Variants in ADAMTS12 observed in about 807,000 individuals in gnomAD.
The protein encoded by ADAMTS12 is ADAM metallopeptidase with thrombospondin type 1 motif 12.
A neutral mutation model predicts 167.8 loss-of-function variants in ADAMTS12; 118 were observed. That is an observed-to-expected ratio of 0.70 (90% CI 0.61 to 0.82). The LOEUF (loss-of-function observed/expected upper bound fraction) is 0.82. ADAMTS12 is among the 40% of genes least tolerant of loss of function. The pLI, the probability that ADAMTS12 is intolerant of heterozygous loss-of-function variation, is 0.00. For synonymous variants in ADAMTS12, 704 were observed against 716.9 expected, an observed-to-expected ratio of 0.98 and a Z score of 0.29; for missense variants, 1,916 against 1,998.8, an observed-to-expected ratio of 0.96 and a Z score of 0.79.
Position 33,637,600 on chromosome 5 carries a change from T to C in ADAMTS12, c.1865A>G (p.His622Arg). Residue 622 changes from histidine to arginine, a missense_variant, in exon 12 of 24, where the codon CAC becomes CGC. Coordinates refer to ENST00000504830, the MANE Select transcript of ADAMTS12 (RefSeq NM_030955.4). ...DTVPYKNELY[H>R]WFPIFNPAHP... ...ACCTGGGTTAAAAATGGGAAACCAG[T>C]GGTAGAGTTCATTCTTGTAGGGAAC... 1.2e-6 allele frequency: 2 copies of C among 1,613,396 alleles called. No homozygotes were observed.
intron 17 of ADAMTS12, among the ~76,000 whole-genome samples, chr5:33,591,890 A>C (rs1747659319): frequency 6.6e-6 from 1 of 152,100 alleles, no homozygotes; most frequent in African/African-American, 2.4e-5. Context: ...TAAACCTCCT[A>C]CATTGGCACT....
chr5:33,824,155 A>C (rs983574379), intron 2 of ADAMTS12, among the ~76,000 whole-genome samples: 3 of 152,220 alleles, frequency 2.0e-5, no homozygotes, highest in Non-Finnish European at 4.4e-5. Flanking sequence ...AAGCACTAAG[A>C]TATCCTAAGA....
At chr5:33,624,671 A>G (rs1739497124) in intron 13 of ADAMTS12, among the ~76,000 whole-genome samples, 1 of 152,218 alleles carries the variant, frequency 6.6e-6, no homozygotes, top group Admixed American at 6.5e-5. Flanking sequence ...TGAAGCTGGT[A>G]GAGCAGCAAG....
intron 13 of ADAMTS12, among the ~76,000 whole-genome samples, chr5:33,627,024 G>A (rs1465698394): frequency 7.4e-5 from 11 of 149,492 alleles, no homozygotes; most frequent in South Asian, 2.2e-4. Context: ...TAGGGTAGTG[G>A]TGATTTGATG....
At chr5:33,723,827 G>A (rs1743885860) in intron 3 of ADAMTS12, among the ~76,000 whole-genome samples, 2 of 152,202 alleles carry the variant, frequency 1.3e-5, no homozygotes, top group Non-Finnish European at 1.5e-5. Flanking sequence ...GCAGTTCACA[G>A]CTGGTGCCCT....
At position 33,865,736 on chromosome 5, in the gene ADAMTS12, C is replaced by T. The variant is rs116522563; in HGVS notation, c.489+15383G>A. On this transcript the variant is annotated intron_variant, in intron 2 of 23. Coordinates refer to ENST00000504830, the MANE Select transcript of ADAMTS12 (RefSeq NM_030955.4). The stretch of plus-strand genomic sequence containing the variant: ...CCCTAAAGACTCCTTCAAAAGACTC[C>T]TAGATTTGATAAACAAATTCAGTAA... Among the ~76,000 whole-genome samples, 943 of 152,200 alleles carry T rather than the reference C, an allele frequency of 6.2e-3. 3 individuals are homozygous for T. Among genetic ancestry groups the T allele is most frequent in the Non-Finnish European group, 0.01 (682 of 67,986 alleles).
At chr5:33,600,490 T>G (rs1738134892) in intron 16 of ADAMTS12, among the ~76,000 whole-genome samples, 2 of 152,200 alleles carry the variant, frequency 1.3e-5, no homozygotes, top group Non-Finnish European at 2.9e-5. Context: ...AAAATTCAGT[T>G]TAGACAACTG....
intron 3 of ADAMTS12, among the ~76,000 whole-genome samples, chr5:33,709,814 T>C (rs542245325): frequency 5.9e-5 from 9 of 152,282 alleles, no homozygotes; most frequent in African/African-American, 1.9e-4. Context: ...GGCACACTTT[T>C]ACCTATGTAA....
At chr5:33,889,192 T>C (rs1337880810) in intron 1 of ADAMTS12, among the ~76,000 whole-genome samples, 2 of 152,076 alleles carry the variant, frequency 1.3e-5, no homozygotes, top group African/African-American at 4.8e-5. Context: ...CTCATTCCTG[T>C]AATCGCAGCA....
rs185403877 is a variant in ADAMTS12 at position 33,779,154 on chromosome 5, G to C, written c.490-27606C>G. On this transcript the variant is annotated intron_variant, in intron 2 of 23. Transcript: ENST00000504830. ...CATATGATCCATCAATCTCACTTCT[G>C]GGTATATATCCAAAGGAACTGAAAT... 9.6e-4 allele frequency among the ~76,000 whole-genome samples: 146 copies of C among 151,536 alleles called. 1 individual carries two copies. In the Middle Eastern group the frequency reaches 0.01, roughly 11 times the overall value.
At chr5:33,595,171 C>CT (rs1292012330) in intron 17 of ADAMTS12, among the ~76,000 whole-genome samples, 1 of 150,746 alleles carries the variant, frequency 6.6e-6, no homozygotes. Context: ...TTTTCTCTCT[C>CT]TTTTTTTTAA....
intron 2 of ADAMTS12, among the ~76,000 whole-genome samples, chr5:33,772,552 G>A (rs1223327211): frequency 6.6e-6 from 1 of 152,232 alleles, no homozygotes; most frequent in Admixed American, 6.5e-5. Context: ...ATTAAGAAAA[G>A]AGAAGACAGT....
At chr5:33,590,127 G>A (rs992414618) in intron 17 of ADAMTS12, among the ~76,000 whole-genome samples, 10 of 152,188 alleles carry the variant, frequency 6.6e-5, no homozygotes, top group Admixed American at 2.6e-4. Flanking sequence ...CTAAAGGAGG[G>A]CAGGCCAAGG....
At chr5:33,698,892 T>C (rs1024533768) in intron 3 of ADAMTS12, among the ~76,000 whole-genome samples, 12 of 151,426 alleles carry the variant, frequency 7.9e-5, no homozygotes, top group Middle Eastern at 7.0e-3. Flanking sequence ...CGTGGTGGCT[T>C]ACGCCTGTAA....
chr5:33,769,097 G>A lies in ADAMTS12; in HGVS notation c.490-17549C>T, dbSNP rs569574584. Among the ~76,000 whole-genome samples the A allele has an allele frequency of 1.8e-3, 275 of 152,168 alleles. 1 individual carries two copies. Among genetic ancestry groups the A allele is most frequent in the African/African-American group, 6.3e-3 (260 of 41,516 alleles). On this transcript the variant is annotated intron_variant, in intron 2 of 23. Transcript: ENST00000504830. ...AACAGAAAGAACCAGAGAGATGGCA[G>A]TATGAGAAAGGCTGGCTTGGAAGAT... is the stretch of plus-strand genomic sequence containing the variant.
intron 5 of ADAMTS12, among the ~76,000 whole-genome samples, chr5:33,664,851 C>A (rs1029768318): frequency 5.9e-5 from 9 of 152,094 alleles, no homozygotes; most frequent in Non-Finnish European, 5.9e-5. Context: ...ATGTTCACTG[C>A]AGAATTATTC....
chr5:33,716,931 C>A (rs1743637058), intron 3 of ADAMTS12, among the ~76,000 whole-genome samples: 1 of 152,018 alleles, frequency 6.6e-6, no homozygotes, highest in Non-Finnish European at 1.5e-5. Context: ...GGACTAAATC[C>A]TACTCAGAGG....
At chr5:33,827,356 C>G (rs568027614) in intron 2 of ADAMTS12, among the ~76,000 whole-genome samples, 5 of 151,970 alleles carry the variant, frequency 3.3e-5, no homozygotes, top group Non-Finnish European at 7.4e-5. Flanking sequence ...TTCAGTCCTA[C>G]AGCTGCAAAG....
At chr5:33,725,931 C>T (rs745596177) in intron 3 of ADAMTS12, among the ~76,000 whole-genome samples, 6 of 152,224 alleles carry the variant, frequency 3.9e-5, no homozygotes, top group African/African-American at 7.2e-5. Context: ...CTGATGCACA[C>T]TCTCGTGCGA....
Sources: gnomAD v4.1 joint callset for allele counts (sites outside exome capture counted in the v4.1 genomes callset) on GRCh38, gnomAD v4.1.1 for gene constraint, MANE v1.5 for transcripts, NCBI Gene and HGNC (gene_info 2026-07-23, HGNC 2026-07-21) for gene names.